Variants in FBXO36 observed in about 807,000 individuals in gnomAD.
FBXO36 encodes F-box protein 36, also known as F-box only protein 36.
A neutral mutation model predicts 17.0 loss-of-function variants in FBXO36; 18 were observed. The observed-to-expected ratio is 1.06, with a 90% CI of 0.73 to 1.57. FBXO36 has a LOEUF of 1.57. FBXO36 is among the 40% of genes most tolerant of loss of function. The pLI, the probability that FBXO36 is intolerant of heterozygous loss-of-function variation, is 0.00. For missense variants in FBXO36, 229 were observed against 221.9 expected (o/e 1.03, Z -0.20); for synonymous variants, 83 against 85.3 (o/e 0.97, Z 0.15).
chr2:229,956,960 A>G (rs1358909016), intron 1 of FBXO36, among the ~76,000 whole-genome samples: 1 of 152,152 alleles, frequency 6.6e-6, no homozygotes, highest in Non-Finnish European at 1.5e-5. Flanking sequence ...TTTAATCTTG[A>G]TATCCTTCTT....
At position 229,951,273 on chromosome 2, in the gene FBXO36, C is replaced by T. The variant is rs1303489077; in HGVS notation, c.97-24968C>T. Reference sequence around the variant, plus strand: ...TCTTCTTTTTTTTTAGACGGAGTTTCGCTTTTGTTGCCCAGGCTGGATTTC... The same window carrying T: ...TCTTCTTTTTTTTTAGACGGAGTTTTGCTTTTGTTGCCCAGGCTGGATTTC... On this transcript the variant is annotated intron_variant, in intron 1 of 3. Transcript: ENST00000283946. 5.5e-5 allele frequency among the ~76,000 whole-genome samples: 8 copies of T among 146,296 alleles called. No homozygotes were observed. The South Asian group carries it at 6.5e-4, about 12-fold the overall frequency.
intron 1 of FBXO36, among the ~76,000 whole-genome samples, chr2:229,974,649 T>G (rs2077198316): frequency 6.6e-6 from 1 of 152,170 alleles, no homozygotes; most frequent in African/African-American, 2.4e-5. Flanking sequence ...CTCCATTTTT[T>G]CCGGAATCCC....
At chr2:230,006,186 C>T (rs987502921) in intron 3 of FBXO36, among the ~76,000 whole-genome samples, 1 of 149,948 alleles carries the variant, frequency 6.7e-6, no homozygotes, top group Non-Finnish European at 1.5e-5. Flanking sequence ...ACCTCTGCCT[C>T]CTGGGTTCAA....
At chr2:229,941,145 G>C (rs961258857) in intron 1 of FBXO36, among the ~76,000 whole-genome samples, 1 of 152,176 alleles carries the variant, frequency 6.6e-6, no homozygotes, top group African/African-American at 2.4e-5. Context: ...GGTGTGGAAA[G>C]AGGAGCCCCT....
chr2:229,967,626 T>G (rs1003299695), intron 1 of FBXO36, among the ~76,000 whole-genome samples: 5 of 152,342 alleles, frequency 3.3e-5, no homozygotes, highest in Middle Eastern at 3.4e-3. Context: ...TCTGCATCTA[T>G]TGAGATAAAC....
chr2:230,002,759 T>C lies in FBXO36; in HGVS notation c.378+5836T>C, dbSNP rs534044809. 2.6e-5 allele frequency among the ~76,000 whole-genome samples: 4 copies of C among 152,336 alleles called. No individual in the cohort carries two copies. In the South Asian group the frequency reaches 8.3e-4, roughly 32 times the overall value. On this transcript the variant is annotated intron_variant, in intron 3 of 3. Transcript: ENST00000283946. ...TTATCCAATCTCTCTTCTTCAAAAA[T>C]GGTTTACATAGCAGTTAATGCTCAG...
chr2:229,948,316 C>T (rs962030909), intron 1 of FBXO36, among the ~76,000 whole-genome samples: 1 of 151,942 alleles, frequency 6.6e-6, no homozygotes, highest in Non-Finnish European at 1.5e-5. Flanking sequence ...TTGTAAGTAA[C>T]GAATTGCTTT....
intron 2 of FBXO36, among the ~76,000 whole-genome samples, chr2:229,983,525 C>T (rs2077251806): frequency 6.6e-6 from 1 of 152,120 alleles, no homozygotes; most frequent in Admixed American, 6.6e-5. Flanking sequence ...AGGCTGGTCT[C>T]AAACTCCTGA....
chr2:229,941,342 G>A (rs1468236393), intron 1 of FBXO36, among the ~76,000 whole-genome samples: 1 of 151,900 alleles, frequency 6.6e-6, no homozygotes, highest in Non-Finnish European at 1.5e-5. Context: ...GTAGTCCCAG[G>A]TACTCGGGAG....
chr2:229,946,792 A>G (rs1165200618), intron 1 of FBXO36, among the ~76,000 whole-genome samples: 1 of 152,226 alleles, frequency 6.6e-6, no homozygotes, highest in Non-Finnish European at 1.5e-5. Context: ...TCCAGCTTTT[A>G]GTACAATGCC....
chr2:229,968,557 T>C (rs555605127), intron 1 of FBXO36, among the ~76,000 whole-genome samples: 1 of 152,274 alleles, frequency 6.6e-6, no homozygotes, highest in South Asian at 2.1e-4. Context: ...TGCCTTGACC[T>C]TCGGGCTTCA....
At chr2:229,942,247 A>G (rs1371160031) in intron 1 of FBXO36, among the ~76,000 whole-genome samples, 1 of 152,138 alleles carries the variant, frequency 6.6e-6, no homozygotes, top group Non-Finnish European at 1.5e-5. Flanking sequence ...TCCCCCACGC[A>G]CCACAACCCT....
Position 229,949,546 on chromosome 2 carries a change from C to CACACAT in FBXO36, c.97-26690_97-26689insTACACA, listed in dbSNP as rs772020432. Among the ~76,000 whole-genome samples the CACACAT allele has an allele frequency of 4.0e-3, 614 of 151,630 alleles. 4 individuals carry two copies. Among genetic ancestry groups the CACACAT allele is most frequent in the African/African-American group, 0.014 (574 of 41,234 alleles). On this transcript the variant is annotated intron_variant, in intron 1 of 3. Coordinates refer to ENST00000283946, the MANE Select transcript of FBXO36 (RefSeq NM_174899.5). ...CATTCATGTAAAATGTATACACACA[C>CACACAT]ACACACACACACACACACAGATTAA... is the stretch of plus-strand genomic sequence containing the variant.
intron 3 of FBXO36, among the ~76,000 whole-genome samples, chr2:230,005,315 T>C (rs1418150570): frequency 6.6e-6 from 1 of 152,110 alleles, no homozygotes; most frequent in African/African-American, 2.4e-5. Context: ...TTGCCTTAGC[T>C]GGTCTCGAAT....
chr2:229,937,122 CG>C (rs751191289), intron 1 of FBXO36, among the ~76,000 whole-genome samples: 3 of 152,066 alleles, frequency 2.0e-5, no homozygotes, highest in Non-Finnish European at 4.4e-5. Flanking sequence ...AATTAAACTT[CG>C]ATTTCAGCGA....
chr2:230,001,145 C>T (rs1317598807), intron 3 of FBXO36, among the ~76,000 whole-genome samples: 1 of 152,186 alleles, frequency 6.6e-6, no homozygotes, highest in Non-Finnish European at 1.5e-5. Context: ...AGGCGTGAGC[C>T]ACTGCACCCA....
intron 1 of FBXO36, among the ~76,000 whole-genome samples, chr2:229,960,508 TG>T (rs1434504428): frequency 6.6e-6 from 1 of 151,558 alleles, no homozygotes; most frequent in African/African-American, 2.4e-5. Flanking sequence ...GCGGTGGTGT[TG>T]GGATAGGGTG....
intron 2 of FBXO36, chr2:229,977,141 A>G (rs1222157840): frequency 6.6e-6 from 1 of 152,098 alleles, no homozygotes; most frequent in Non-Finnish European, 1.5e-5. Context: ...ACAACCATCT[A>G]TATTTAAAAA....
intron 1 of FBXO36, among the ~76,000 whole-genome samples, chr2:229,959,271 G>A (rs913636577): frequency 3.9e-5 from 6 of 151,968 alleles, no homozygotes; most frequent in Admixed American, 3.9e-4. Flanking sequence ...TTCCCATGTT[G>A]GTCTCCCAAA....
Sources: allele counts gnomAD v4.1 joint callset (sites outside exome capture counted in the v4.1 genomes callset), GRCh38; gene constraint gnomAD v4.1.1; transcripts MANE v1.5; gene names NCBI Gene and HGNC (gene_info 2026-07-23, HGNC 2026-07-21).